LRFN4: variants seen among roughly 807,000 people sequenced by gnomAD.
LRFN4 encodes the protein leucine rich repeat and fibronectin type III domain containing 4, also known as leucine-rich repeat and fibronectin type-III domain-containing protein 4.
LRFN4 carries 10 observed loss-of-function variants against 29.0 expected under a neutral mutation model. The observed-to-expected ratio is 0.35, with a 90% confidence interval of 0.21 to 0.59. The LOEUF is 0.59. Ranked by LOEUF, LRFN4 falls within the 20% of genes least tolerant of loss-of-function variation. The probability of loss-of-function intolerance (pLI) is 0.82; values close to 1 mark genes in which losing one functional copy is unlikely to be tolerated. For synonymous variants in LRFN4, 493 were observed against 437.0 expected (o/e 1.13, Z -1.60); for missense variants, 850 against 907.9 (o/e 0.94, Z 0.82).
chr11:66,860,142 G>T lies in LRFN4; in HGVS notation c.1855G>T (p.Gly619Trp). Residue 619 changes from glycine to tryptophan, a missense_variant, in exon 2 of 2, where the codon GGG (glycine) becomes TGG (tryptophan). Physicochemically the swap from Gly to Trp is radical, Grantham distance 184. Coordinates refer to ENST00000309602, the MANE Select transcript of LRFN4 (RefSeq NM_024036.5). ...TGTGCATGGGGGGCTGCTCGGGGCAGGGTGCCGGGGGGTAGGAGGCAGCGC... is the reference window on the plus strand; with the variant it reads ...TGTGCATGGGGGGCTGCTCGGGGCATGGTGCCGGGGGGTAGGAGGCAGCGC... Reference protein sequence around the residue: ...HSVHGGLLGAGCRGVGGSAER... With the variant: ...HSVHGGLLGAWCRGVGGSAER... 1 of 1,549,234 alleles carries T rather than the reference G, an allele frequency of 6.5e-7. No homozygotes were observed.
rs1946084980 is a variant in LRFN4 at position 66,859,157 on chromosome 11, A to C, written c.1349+64A>C. The C allele has an allele frequency of 2.7e-6, 4 of 1,455,562 alleles. No individual in the cohort carries two copies. The South Asian group carries it at 4.6e-5, about 17-fold the overall frequency. The allele number at this position is 1,455,562 out of a possible 1,614,324, so 90.2% of individuals were successfully genotyped here. On this transcript the variant is annotated intron_variant, in intron 1 of 1. Coordinates refer to ENST00000309602, the MANE Select transcript of LRFN4 (RefSeq NM_024036.5). ...GCCCTTCCTCCGCCCTCTGCTCCCCACAAGGCTTTGCTTCCACCCCTCCTC... is the reference window on the plus strand; with the variant it reads ...GCCCTTCCTCCGCCCTCTGCTCCCCCCAAGGCTTTGCTTCCACCCCTCCTC...
intron 1 of LRFN4, among the ~76,000 whole-genome samples, chr11:66,859,399 T>C (rs758129245): frequency 3.3e-5 from 5 of 152,174 alleles, no homozygotes; most frequent in Non-Finnish European, 7.4e-5. Flanking sequence ...CCGCGTGTTA[T>C]TTCTGCCTCT....
Position 66,860,165 on chromosome 11 carries a change from C to T in LRFN4, c.1878C>T (p.Ser626=), listed in dbSNP as rs373087757. The part of the protein sequence containing the change: ...LGAGCRGVGG[S]AERLEESVV ...CAGGGTGCCGGGGGGTAGGAGGCAG[C>T]GCCGAGCGGCTGGAAGAGAGTGTGG... is the stretch of plus-strand genomic sequence containing the variant. Residue 626 remains serine, a synonymous_variant, in exon 2 of 2, where the codon AGC becomes AGT. Transcript: ENST00000309602. 3.6e-5 allele frequency: 56 copies of T among 1,547,430 alleles called. No homozygotes were observed. Among genetic ancestry groups the T allele is most frequent in the Middle Eastern group, 1.7e-4 (1 of 6,008 alleles).
In LRFN4 at chr11:66,859,701, C is replaced by T. The variant is rs888337116; in HGVS notation, c.1414C>T (p.Leu472Phe). ...KHLVPGADYDLCLLALSPAAG... is the reference protein window; with the variant it reads ...KHLVPGADYDFCLLALSPAAG... Reference sequence around the variant, plus strand: ...CCTCGTCCCCGGCGCTGACTATGACCTCTGCCTGCTGGCCTTGTCACCGGC... The same window carrying T: ...CCTCGTCCCCGGCGCTGACTATGACTTCTGCCTGCTGGCCTTGTCACCGGC... Residue 472 changes from leucine (L) to phenylalanine (F), a missense_variant, in exon 2 of 2, where the codon CTC becomes TTC. Leu to Phe is a conservative substitution (Grantham distance 22). Transcript: ENST00000309602. 4 of 1,612,480 alleles carry T rather than the reference C, an allele frequency of 2.5e-6. No homozygotes were observed. Among genetic ancestry groups the T allele is most frequent in the Non-Finnish European group, 3.4e-6 (4 of 1,179,764 alleles).
At position 66,860,321 on chromosome 11, in the gene LRFN4, T is replaced by C. The variant is rs770459688; in HGVS notation, c.*126T>C. ...CAGTACCTCAGGCTCCCCTGTGTAC[T>C]TGGAGGGGCAGGGAGCCCTTTCCTC... On this transcript the variant is annotated 3_prime_UTR_variant, in exon 2 of 2. Transcript: ENST00000309602. 5.9e-6 allele frequency: 8 copies of C among 1,365,862 alleles called. No individual in the cohort carries two copies. The South Asian group carries it at 8.7e-5, about 15-fold the overall frequency. The allele number at this position is 1,365,862 out of a possible 1,614,324, so 84.6% of individuals were successfully genotyped here.
At position 66,859,822 on chromosome 11, in the gene LRFN4, A is replaced by G. The variant is rs1946129916; in HGVS notation, c.1535A>G (p.His512Arg). ...CCCCTGTGCCACGCCCTGCAGGCCC[A>G]CGTGCTGGGCGGGACCCTGACCGTG... ...ASPLCHALQA[H>R]VLGGTLTVAV... Residue 512 changes from histidine (H) to arginine (R), a missense_variant, in exon 2 of 2, where the codon CAC (histidine) becomes CGC (arginine). His to Arg is a conservative substitution (Grantham distance 29). This residue lies in a region of LRFN4 where 744 missense variants were observed against 753.8 expected (regional missense o/e 0.99). Transcript: ENST00000309602. The G allele has an allele frequency of 6.3e-7, 1 of 1,581,054 alleles. No individual in the cohort carries two copies. Among genetic ancestry groups the G allele is most frequent in the African/African-American group, 1.3e-5 (1 of 74,370 alleles).
At position 66,859,748 on chromosome 11, in the gene LRFN4, G is replaced by A. The variant is rs773772083; in HGVS notation, c.1461G>A (p.Thr487=). 1.6e-5 allele frequency: 26 copies of A among 1,609,078 alleles called. No individual in the cohort carries two copies. The highest frequency in any genetic ancestry group is 8.0e-5 in the African/African-American group (6 of 74,836). The change falls in exon 2 of 2, where the codon ACG becomes ACA. Residue 487 remains threonine (T), a synonymous_variant. Coordinates refer to ENST00000309602, the MANE Select transcript of LRFN4 (RefSeq NM_024036.5). ...CGGCCGCTGGGCCCTCTGACCTCAC[G>A]GCCACCAGGCTGCTGGGCTGTGCCC... ...LSPAAGPSDL[T]ATRLLGCAHF... is the part of the protein sequence containing the mutation.
At chr11:66,859,553 TTG>T (rs1283281286) in intron 1 of LRFN4, 82 bp from the exon 2 acceptor site, 6 of 1,576,454 alleles carry the variant, frequency 3.8e-6, no homozygotes, top group Admixed American at 1.8e-5. Flanking sequence ...GGAGGGGTGT[TTG>T]GAGCTGGGAG....
chr11:66,858,068 G>C lies in LRFN4; in HGVS notation c.324G>C (p.Leu108=). Residue 108 remains leucine (L), a synonymous_variant, in exon 1 of 2, where the codon CTG becomes CTC. Coordinates refer to ENST00000309602, the MANE Select transcript of LRFN4 (RefSeq NM_024036.5). The surrounding 1 kb of genome is among the most constrained non-coding windows in gnomAD (Gnocchi z 5.9). ...LRSLHLDGNR[L]VELGTGSLRG... The stretch of plus-strand genomic sequence containing the variant: ...CCCTCCACCTTGACGGCAACAGGCT[G>C]GTGGAGCTGGGCACCGGGAGCCTCC... 6.2e-7 allele frequency: 1 copy of C among 1,609,716 alleles called. No homozygotes were observed. The highest frequency in any genetic ancestry group is 8.5e-7 in the Non-Finnish European group (1 of 1,178,340).
chr11:66,858,218 G>A lies in LRFN4; in HGVS notation c.474G>A (p.Arg158=). 6.2e-7 allele frequency: 1 copy of A among 1,612,450 alleles called. No individual in the cohort carries two copies. Among genetic ancestry groups the A allele is most frequent in the Non-Finnish European group, 8.5e-7 (1 of 1,179,900 alleles). Reference sequence around the variant, plus strand: ...TGGACCTGTCCTACAACAACCTCCGGCAGGTGCCCTGGGCCGGCATCGGCG... The same window carrying A: ...TGGACCTGTCCTACAACAACCTCCGACAGGTGCCCTGGGCCGGCATCGGCG... ...EDLDLSYNNL[R]QVPWAGIGAM... Residue 158 remains arginine, a synonymous_variant, in exon 1 of 2, where the codon CGG becomes CGA. Transcript: ENST00000309602. The surrounding 1 kb of genome is among the most constrained non-coding windows in gnomAD (Gnocchi z 5.9).
At position 66,858,702 on chromosome 11, in the gene LRFN4, C is replaced by T. The variant is rs770259072; in HGVS notation, c.958C>T (p.Arg320Trp). 3 of 1,550,498 alleles carry T rather than the reference C, an allele frequency of 1.9e-6. No homozygotes were observed. The highest frequency in any genetic ancestry group is 1.4e-5 in the African/African-American group (1 of 73,492). Residue 320 changes from arginine (R) to tryptophan (W), a missense_variant, in exon 1 of 2, where the codon CGG becomes TGG. Physicochemically the swap from Arg to Trp is moderately radical, Grantham distance 101. Around this residue, in one of 2 missense-constraint regions of LRFN4, gnomAD observed 744 missense variants for 753.8 expected, o/e 0.99. Transcript: ENST00000309602. This position sits in a 1 kb window ranked among gnomAD's most constrained non-coding sequence, Gnocchi z 5.9. ...PTMHWVGPDDRLVGNSSRARA... is the reference protein window; with the variant it reads ...PTMHWVGPDDWLVGNSSRARA... Reference sequence around the variant, plus strand: ...CATGCACTGGGTCGGTCCTGACGACCGGTTGGTTGGCAACTCCTCCCGAGC... The same window carrying T: ...CATGCACTGGGTCGGTCCTGACGACTGGTTGGTTGGCAACTCCTCCCGAGC...
chr11:66,859,715 C>G lies in LRFN4; in HGVS notation c.1428C>G (p.Ala476=). ...PGADYDLCLL[A]LSPAAGPSDL... ...CTGACTATGACCTCTGCCTGCTGGCCTTGTCACCGGCCGCTGGGCCCTCTG... is the reference window on the plus strand; with the variant it reads ...CTGACTATGACCTCTGCCTGCTGGCGTTGTCACCGGCCGCTGGGCCCTCTG... Residue 476 remains alanine, a synonymous_variant, in exon 2 of 2, where the codon GCC becomes GCG. Coordinates refer to ENST00000309602, the MANE Select transcript of LRFN4 (RefSeq NM_024036.5). The G allele has an allele frequency of 1.2e-6, 2 of 1,612,068 alleles. No individual in the cohort carries two copies. The highest frequency in any genetic ancestry group is 1.3e-5 in the African/African-American group (1 of 75,034).
Position 66,860,414 on chromosome 11 carries a change from G to A in LRFN4, c.*219G>A, listed in dbSNP as rs1224517609. On this transcript the variant is annotated 3_prime_UTR_variant, in exon 2 of 2. Coordinates refer to ENST00000309602, the MANE Select transcript of LRFN4 (RefSeq NM_024036.5). ...AGGTGCTCACAGCCACCGAGGCAGG[G>A]GCTGCAGCCACCCACTGGGAGTCTT... is the stretch of plus-strand genomic sequence containing the variant. 1 of 723,036 alleles carries A rather than the reference G, an allele frequency of 1.4e-6. No homozygotes were observed. Among genetic ancestry groups the A allele is most frequent in the Non-Finnish European group, 2.5e-6 (1 of 403,546 alleles). The allele number at this position is 723,036 out of a possible 1,614,324, so 44.8% of individuals were successfully genotyped here.
At position 66,858,581 on chromosome 11, in the gene LRFN4, G is replaced by A; in HGVS notation, c.837G>A (p.Glu279=). The A allele has an allele frequency of 6.5e-7, 1 of 1,533,052 alleles. No homozygotes were observed. Among genetic ancestry groups the A allele is most frequent in the Non-Finnish European group, 8.7e-7 (1 of 1,143,776 alleles). The allele number at this position is 1,533,052 out of a possible 1,614,324, so 95.0% of individuals were successfully genotyped here. ...WAVPEGEFSC[E]PPLIARHTQR... ...TGCCCGAGGGCGAGTTCTCCTGTGAGCCGCCCCTCATTGCCCGCCACACGC... is the reference window on the plus strand; with the variant it reads ...TGCCCGAGGGCGAGTTCTCCTGTGAACCGCCCCTCATTGCCCGCCACACGC... The change falls in exon 1 of 2, where the codon GAG becomes GAA. Residue 279 remains glutamate (E), a synonymous_variant. Coordinates refer to ENST00000309602, the MANE Select transcript of LRFN4 (RefSeq NM_024036.5). The surrounding 1 kb of genome is among the most constrained non-coding windows in gnomAD (Gnocchi z 5.9).
At position 66,859,082 on chromosome 11, in the gene LRFN4, C is replaced by T. The variant is rs1946079415; in HGVS notation, c.1338C>T (p.Thr446=). Residue 446 remains threonine, a synonymous_variant, in exon 1 of 2, where the codon ACC becomes ACT. Coordinates refer to ENST00000309602, the MANE Select transcript of LRFN4 (RefSeq NM_024036.5). ...AGTACAACAGCAGCGAAGATGAGACCCTCATCTACCGGTGAGGATGCGTGC... is the reference window on the plus strand; with the variant it reads ...AGTACAACAGCAGCGAAGATGAGACTCTCATCTACCGGTGAGGATGCGTGC... The part of the protein sequence containing the change: ...QIQYNSSEDE[T]LIYRIVPASS... 1 of 1,488,360 alleles carries T rather than the reference C, an allele frequency of 6.7e-7. No individual in the cohort carries two copies. The highest frequency in any genetic ancestry group is 2.4e-5 in the East Asian group (1 of 41,344). 92.2% of individuals were successfully genotyped at this position (1,488,360 alleles called of 1,614,324 possible).
chr11:66,859,163 C>A, intron 1 of LRFN4, 70 bp downstream of exon 1: 1 of 1,449,652 alleles, frequency 6.9e-7, no homozygotes, highest in South Asian at 1.5e-5. Context: ...CCCCACAAGG[C>A]TTTGCTTCCA....
chr11:66,860,123 T>A lies in LRFN4; in HGVS notation c.1836T>A (p.His612Gln). The A allele has an allele frequency of 6.4e-7, 1 of 1,550,512 alleles. No homozygotes were observed. Residue 612 changes from histidine (H) to glutamine (Q), a missense_variant, in exon 2 of 2, where the codon CAT becomes CAA. Physicochemically the swap from His to Gln is conservative, Grantham distance 24. This residue lies in a region of LRFN4 where 744 missense variants were observed against 753.8 expected (regional missense o/e 0.99). Coordinates refer to ENST00000309602, the MANE Select transcript of LRFN4 (RefSeq NM_024036.5). ...GAWARRSHSVHGGLLGAGCRG... is the reference protein window; with the variant it reads ...GAWARRSHSVQGGLLGAGCRG... ...GGGCCCGACGGAGCCACTCTGTGCA[T>A]GGGGGGCTGCTCGGGGCAGGGTGCC... is the stretch of plus-strand genomic sequence containing the variant.
rs1355003703 is a variant in LRFN4, at chr11:66,860,053, G to T, written c.1766G>T (p.Gly589Val). The change falls in exon 2 of 2, where the codon GGA becomes GTA. Residue 589 changes from glycine (G) to valine (V), a missense_variant. Physicochemically the swap from Gly to Val is moderately radical, Grantham distance 109. Coordinates refer to ENST00000309602, the MANE Select transcript of LRFN4 (RefSeq NM_024036.5). ...CAGCGCAGCTGCTCTCTGGACCTGGGAGATGCCGGGTGCTACGGTTATGCC... is the reference window on the plus strand; with the variant it reads ...CAGCGCAGCTGCTCTCTGGACCTGGTAGATGCCGGGTGCTACGGTTATGCC... ...RPQRSCSLDL[G>V]DAGCYGYARR... 8.9e-6 allele frequency: 14 copies of T among 1,571,396 alleles called. No individual in the cohort carries two copies. Among genetic ancestry groups the T allele is most frequent in the African/African-American group, 1.4e-5 (1 of 73,936 alleles).
intron 1 of LRFN4, among the ~76,000 whole-genome samples, chr11:66,859,384 C>T (rs1022464326): frequency 3.3e-5 from 5 of 152,208 alleles, no homozygotes; most frequent in Admixed American, 6.5e-5. Flanking sequence ...GCACATGGCC[C>T]GCGCCCGCGT....
Sources: gnomAD v4.1 joint callset for allele counts (sites outside exome capture counted in the v4.1 genomes callset) on GRCh38, gnomAD v4.1.1 for gene constraint, gnomAD v4.1.1 regional missense constraint, Gnocchi (gnomAD v3.1) non-coding constraint, MANE v1.5 for transcripts, NCBI Gene and HGNC (gene_info 2026-07-23, HGNC 2026-07-21) for gene names.